Variants in ZNF227 observed in about 807,000 individuals in gnomAD.
ZNF227 encodes zinc finger protein 227.
In ZNF227, 12 loss-of-function variants were observed where a neutral mutation model predicts 13.2. That is an observed-to-expected ratio of 0.91 (90% CI 0.58 to 1.47). The LOEUF is 1.47. Ranked by LOEUF, ZNF227 falls within the 40% of genes most tolerant of loss-of-function variation. ZNF227 has a pLI of 0.00. For missense variants in ZNF227, 885 were observed against 967.5 expected (o/e 0.91, Z 1.13); for synonymous variants, 338 against 326.0 (o/e 1.04, Z -0.40).
chr19:44,231,236 T>G (rs1317331408), intron 5 of ZNF227, among the ~76,000 whole-genome samples: 1 of 150,964 alleles, frequency 6.6e-6, no homozygotes, highest in Non-Finnish European at 1.5e-5. Flanking sequence ...TGCCTCAGCC[T>G]CCGAAGTTAC....
At chr19:44,215,989 TAAA>T (rs1276832695) in intron 2 of ZNF227, among the ~76,000 whole-genome samples, 3 of 37,382 alleles carry the variant, frequency 8.0e-5, no homozygotes, top group African/African-American at 8.0e-5. Context: ...ACTCTCTCTC[TAAA>T]AAAAAAAAAA....
In ZNF227 at chr19:44,234,591, G is replaced by A. The variant is rs1035214475; in HGVS notation, c.272-111G>A. On this transcript the variant is annotated intron_variant, in intron 5 of 5. Transcript: ENST00000313040. ...TGCTGTAAGGACAAGGTCACCTTTC[G>A]CCTGGTTTATCAAGGCTTTCTCCCA... 5.9e-6 allele frequency: 6 copies of A among 1,013,230 alleles called. No individual in the cohort carries two copies. The Admixed American group carries it at 8.9e-5, about 15-fold the overall frequency. The allele number at this position is 1,013,230 out of a possible 1,614,324, so 62.8% of individuals were successfully genotyped here.
At position 44,228,872 on chromosome 19, in the gene ZNF227, A is replaced by G. The variant is rs1973477621; in HGVS notation, c.187+300A>G. ...TATTGGCATTTTGTGGGTAGTATCC[A>G]GGAATTCTGCAAAATCTCCTACAGT... On this transcript the variant is annotated intron_variant, in intron 4 of 5. Transcript: ENST00000313040. The G allele has an allele frequency of 7.3e-6, 3 of 411,608 alleles. No homozygotes were observed. In the East Asian group the frequency reaches 1.1e-4, roughly 15 times the overall value. 25.5% of individuals were successfully genotyped at this position (411,608 alleles called of 1,614,324 possible).
rs1466533841 is a variant in ZNF227 at position 44,235,488 on chromosome 19, A to G, written c.1058A>G (p.Lys353Arg). 2 of 1,614,000 alleles carry G rather than the reference A, an allele frequency of 1.2e-6. No homozygotes were observed. The highest frequency in any genetic ancestry group is 1.7e-6 in the Non-Finnish European group (2 of 1,180,040). The change falls in exon 6 of 6, where the codon AAA becomes AGA. Residue 353 changes from lysine to arginine, a missense_variant. By Grantham distance (26) the Lys-to-Arg change is conservative. Coordinates refer to ENST00000313040, the MANE Select transcript of ZNF227 (RefSeq NM_182490.3). ...ACTCATACTGGAGAGAAACCCTATA[A>G]ATGCGAGGAATGTGGTAAATGCTTT... ...YRTHTGEKPY[K>R]CEECGKCFSQ...
At position 44,235,668 on chromosome 19, in the gene ZNF227, G is replaced by T; in HGVS notation, c.1238G>T (p.Cys413Phe). The change falls in exon 6 of 6, where the codon TGT becomes TTT. Residue 413 changes from cysteine (C) to phenylalanine (F), a missense_variant. Coordinates refer to ENST00000313040, the MANE Select transcript of ZNF227 (RefSeq NM_182490.3). ...RGEKPYKCEE[C>F]GKGFTQAAHF... ...GAGAAGCCCTATAAATGTGAGGAATGTGGTAAGGGCTTCACTCAGGCTGCA... is the reference window on the plus strand; with the variant it reads ...GAGAAGCCCTATAAATGTGAGGAATTTGGTAAGGGCTTCACTCAGGCTGCA... 1.9e-6 allele frequency: 3 copies of T among 1,614,166 alleles called. No homozygotes were observed. Among genetic ancestry groups the T allele is most frequent in the Non-Finnish European group, 1.7e-6 (2 of 1,180,036 alleles).
chr19:44,236,602 C>T lies in ZNF227; in HGVS notation c.2172C>T (p.Ala724=). 3 of 1,614,064 alleles carry T rather than the reference C, an allele frequency of 1.9e-6. No individual in the cohort carries two copies. Among genetic ancestry groups the T allele is most frequent in the Non-Finnish European group, 2.5e-6 (3 of 1,180,016 alleles). ...KPHICEECGK[A]FSLPSNLRVH... is the part of the protein sequence containing the mutation. ...ATATATGTGAGGAGTGTGGTAAGGC[C>T]TTCAGTCTCCCCTCAAATCTTCGAG... The change falls in exon 6 of 6, where the codon GCC becomes GCT. Residue 724 remains alanine (A), a synonymous_variant. Transcript: ENST00000313040.
chr19:44,222,110 C>G, intron 3 of ZNF227, among the ~76,000 whole-genome samples: 1 of 151,890 alleles, frequency 6.6e-6, no homozygotes, highest in East Asian at 1.9e-4. Flanking sequence ...CTGTTCTGTT[C>G]CATTGATCTA....
chr19:44,233,685 C>T (rs970876222), intron 5 of ZNF227, among the ~76,000 whole-genome samples: 3 of 152,042 alleles, frequency 2.0e-5, no homozygotes, highest in Non-Finnish European at 4.4e-5. Flanking sequence ...TACTTGAGGT[C>T]GGGAGTTCGA....
At chr19:44,219,043 A>C (rs555398774) in intron 3 of ZNF227, among the ~76,000 whole-genome samples, 58 of 152,290 alleles carry the variant, frequency 3.8e-4, no homozygotes, top group Non-Finnish European at 7.1e-4. Flanking sequence ...ATGTACCAGC[A>C]CGCCTGGCTA....
chr19:44,228,258 A>C (rs1973391703), intron 3 of ZNF227, 188 bp from the exon 4 acceptor site: 2 of 545,938 alleles, frequency 3.7e-6, no homozygotes, highest in African/African-American at 4.0e-5. Context: ...AACAGTGATA[A>C]ACTACAGGCT....
upstream of ZNF227, among the ~76,000 whole-genome samples, chr19:44,212,027 C>T (rs1447606185): frequency 6.6e-6 from 1 of 151,126 alleles, no homozygotes; most frequent in Non-Finnish European, 1.5e-5. Flanking sequence ...GTAGCTGGGA[C>T]TACAGGCGCG....
At chr19:44,228,901 C>T (rs1004909557) in intron 4 of ZNF227, 12 of 363,590 alleles carry the variant, frequency 3.3e-5, no homozygotes, top group African/African-American at 2.3e-4. Context: ...CTACAGTGCA[C>T]AGGACAGTGC....
At chr19:44,223,983 C>T (rs1235744303) in intron 3 of ZNF227, among the ~76,000 whole-genome samples, 1 of 152,194 alleles carries the variant, frequency 6.6e-6, no homozygotes, top group Non-Finnish European at 1.5e-5. Flanking sequence ...CCAATGAGAA[C>T]AAAGACACAT....
chr19:44,235,364 C>G lies in ZNF227; in HGVS notation c.934C>G (p.His312Asp). 6.2e-7 allele frequency: 1 copy of G among 1,614,208 alleles called. No homozygotes were observed. The highest frequency in any genetic ancestry group is 8.5e-7 in the Non-Finnish European group (1 of 1,180,046). The change falls in exon 6 of 6, where the codon CAT (histidine) becomes GAT (aspartate). Residue 312 changes from histidine (H) to aspartate (D), a missense_variant. Transcript: ENST00000313040. ...TGATTGCTTCAATAAGAGCTCTTTT[C>G]ATTCTTATCAATCTAATCATACAGG... is the stretch of plus-strand genomic sequence containing the variant. ...SGDCFNKSSF[H>D]SYQSNHTGEK...
chr19:44,236,817 G>A lies in ZNF227; in HGVS notation c.2387G>A (p.Gly796Asp). The A allele has an allele frequency of 1.3e-6, 2 of 1,563,942 alleles. No homozygotes were observed. The highest frequency in any genetic ancestry group is 8.6e-7 in the Non-Finnish European group (1 of 1,158,090). Residue 796 changes from glycine (G) to aspartate (D), a missense_variant, in exon 6 of 6, where the codon GGT (glycine) becomes GAT (aspartate). Physicochemically the swap from Gly to Asp is moderately conservative, Grantham distance 94. Coordinates refer to ENST00000313040, the MANE Select transcript of ZNF227 (RefSeq NM_182490.3). ...RLTYHQKVHT[G>D]KKL ...ACATATCATCAGAAAGTCCATACTG[G>A]TAAAAAGCTTTAGAAATGAGAAATG...
chr19:44,207,789 C>T (rs1376613805), upstream of ZNF227: 2 of 152,296 alleles, frequency 1.3e-5, no homozygotes, highest in Non-Finnish European at 1.5e-5. Flanking sequence ...CGTCCTGGAT[C>T]GGTTGTCGCT....
intron 3 of ZNF227, among the ~76,000 whole-genome samples, chr19:44,224,023 C>A (rs1407871637): frequency 2.0e-5 from 3 of 152,130 alleles, no homozygotes; most frequent in Non-Finnish European, 4.4e-5. Context: ...TTGTTATATA[C>A]CCAGTAGTCA....
chr19:44,235,384 T>C lies in ZNF227; in HGVS notation c.954T>C (p.His318=), dbSNP rs1417719772. 2.5e-6 allele frequency: 4 copies of C among 1,614,074 alleles called. No individual in the cohort carries two copies. In the African/African-American group the frequency reaches 5.3e-5, roughly 22 times the overall value. Residue 318 remains histidine (H), a synonymous_variant, in exon 6 of 6, where the codon CAT becomes CAC. Coordinates refer to ENST00000313040, the MANE Select transcript of ZNF227 (RefSeq NM_182490.3). ...KSSFHSYQSN[H]TGEKSYRCDS... ...CTTTTCATTCTTATCAATCTAATCA[T>C]ACAGGAGAGAAGTCTTATAGATGCG...
chr19:44,219,640 C>CG (rs1568596866), intron 3 of ZNF227, among the ~76,000 whole-genome samples: 1 of 151,726 alleles, frequency 6.6e-6, no homozygotes, highest in African/African-American at 2.4e-5. Context: ...CCTATTTAGC[C>CG]GGGGTCTAGA....
Sources: allele counts gnomAD v4.1 joint callset (sites outside exome capture counted in the v4.1 genomes callset), GRCh38; gene constraint gnomAD v4.1.1; transcripts MANE v1.5; gene names NCBI Gene and HGNC (gene_info 2026-07-23, HGNC 2026-07-21).